FSIP2: variants seen among roughly 807,000 people sequenced by gnomAD.
The protein encoded by FSIP2 is fibrous sheath-interacting protein 2.
In FSIP2, 367 loss-of-function variants were observed where a neutral mutation model predicts 510.5. The observed-to-expected ratio is 0.72, with a 90% CI of 0.66 to 0.78. The LOEUF is 0.78. Among genes scored for constraint, FSIP2 ranks in the 30% least tolerant of loss-of-function variants. FSIP2 has a pLI of 0.00. For missense variants in FSIP2, 7,594 were observed against 7,901.7 expected, an observed-to-expected ratio of 0.96 and a Z score of 1.48; for synonymous variants, 2,601 against 2,732.2, an observed-to-expected ratio of 0.95 and a Z score of 1.50.
upstream of FSIP2, chr2:185,738,785 A>G: frequency 6.5e-7 from 1 of 1,535,800 alleles, no homozygotes; most frequent in Middle Eastern, 1.7e-4. Flanking sequence ...GGCGGGGCTG[A>G]GGTCGTTGGG....
At chr2:185,815,498 A>G (rs767466314) in intron 19 of FSIP2, 27 bp downstream of exon 19, 15 of 1,061,514 alleles carry the variant, frequency 1.4e-5, no homozygotes, top group Non-Finnish European at 1.8e-5. Flanking sequence ...CAGTAGAAAT[A>G]TAGAAATCTG....
rs1249322998 is a variant in FSIP2, at chr2:185,813,894, A to G, written c.20177A>G (p.Asn6726Ser). The change falls in exon 18 of 23, where the codon AAT (asparagine) becomes AGT (serine). Residue 6726 changes from asparagine to serine, a missense_variant. By Grantham distance (46) the Asn-to-Ser change is conservative. Transcript: ENST00000424728. ...TGTTGTCAGACCACAGCCAGTGCAA[A>G]TATTGAAAGTACTGAAGCAATCTCA... ...SKCCQTTASA[N>S]IESTEAISNQ... The G allele has an allele frequency of 6.2e-7, 1 of 1,613,650 alleles. No homozygotes were observed. The highest frequency in any genetic ancestry group is 8.5e-7 in the Non-Finnish European group (1 of 1,179,802).
At chr2:185,827,113 A>C (rs1158260175) in intron 20 of FSIP2, among the ~76,000 whole-genome samples, 3 of 151,862 alleles carry the variant, frequency 2.0e-5, no homozygotes, top group Non-Finnish European at 4.4e-5. Context: ...AAATGTCCTC[A>C]ATCATTTAAA....
rs578120824 is a variant in FSIP2 at position 185,803,106 on chromosome 2, A to C, written c.13800A>C (p.Ser4600=). 1 of 1,518,546 alleles carries C rather than the reference A, an allele frequency of 6.6e-7. No individual in the cohort carries two copies. The highest frequency in any genetic ancestry group is 1.4e-5 in the African/African-American group (1 of 72,196). The allele number at this position is 1,518,546 out of a possible 1,614,324, so 94.1% of individuals were successfully genotyped here. A position where few individuals can be genotyped will look rare whatever the true frequency, so the allele number is the denominator to read the frequency against. The change falls in exon 17 of 23, where the codon TCA becomes TCC. Residue 4600 remains serine, a synonymous_variant. Transcript: ENST00000424728. ...QPFVSGKSLS[S]SDTYFDDERR... ...TTGTGAGTGGAAAATCATTATCTTC[A>C]TCAGACACATATTTTGATGATGAGA...
chr2:185,810,537 CTTTT>C (rs11298474), intron 17 of FSIP2, among the ~76,000 whole-genome samples: 28 of 107,028 alleles, frequency 2.6e-4, no homozygotes, highest in African/African-American at 9.3e-4. Context: ...AGTTAAACCT[CTTTT>C]TTTTTTTTTT....
In FSIP2 at chr2:185,805,830, A is replaced by G. The variant is rs1171688466; in HGVS notation, c.16524A>G (p.Ser5508=). 6.2e-7 allele frequency: 1 copy of G among 1,606,560 alleles called. No homozygotes were observed. Among genetic ancestry groups the G allele is most frequent in the Non-Finnish European group, 8.5e-7 (1 of 1,177,288 alleles). The stretch of plus-strand genomic sequence containing the variant: ...AAAGCGGCATGATTAACCTAACATC[A>G]GGGTTGGCTACAGGTGTGACAAATA... ...IMKSGMINLT[S]GLATGVTNKK... The change falls in exon 17 of 23, where the codon TCA becomes TCG. Residue 5508 remains serine, a synonymous_variant. Coordinates refer to ENST00000424728, the MANE Select transcript of FSIP2 (RefSeq NM_173651.4).
chr2:185,808,458 A>G lies in FSIP2; in HGVS notation c.19152A>G (p.Gln6384=). 1 of 1,606,292 alleles carries G rather than the reference A, an allele frequency of 6.2e-7. No individual in the cohort carries two copies. The highest frequency in any genetic ancestry group is 8.5e-7 in the Non-Finnish European group (1 of 1,177,590). ...CTGAGTTAAATAAAATTGCATCTCA[A>G]CTGTCAAAATTGGTAACAGCTGAAA... The part of the protein sequence containing the change: ...SKTELNKIAS[Q]LSKLVTAEIS... The change falls in exon 17 of 23, where the codon CAA becomes CAG. Residue 6384 remains glutamine, a synonymous_variant. Transcript: ENST00000424728.
chr2:185,738,553 A>G (rs1691833648), upstream of FSIP2: 39 of 1,494,466 alleles, frequency 2.6e-5, no homozygotes, highest in Non-Finnish European at 3.5e-5. Flanking sequence ...GCCAGGGGAA[A>G]TTAACCAGTT....
intron 7 of FSIP2, among the ~76,000 whole-genome samples, chr2:185,749,194 G>A (rs1692095544): frequency 6.6e-6 from 1 of 151,154 alleles, no homozygotes; most frequent in Non-Finnish European, 1.5e-5. Context: ...GTCTTGCTGA[G>A]TTTTTTTAAT....
At position 185,794,195 on chromosome 2, in the gene FSIP2, C is replaced by T. The variant is rs754992521; in HGVS notation, c.7059C>T (p.Asp2353=). The change falls in exon 16 of 23, where the codon GAC becomes GAT. Residue 2353 remains aspartate, a synonymous_variant. Coordinates refer to ENST00000424728, the MANE Select transcript of FSIP2 (RefSeq NM_173651.4). ...AAGCTAGGCTTAAGACATATGCTGA[C>T]GTCATTGCCAGTGCCATTTTGAAGC... is the stretch of plus-strand genomic sequence containing the variant. ...LSQARLKTYA[D]VIASAILKLI... is the part of the protein sequence containing the mutation. The T allele has an allele frequency of 2.7e-5, 41 of 1,534,586 alleles. No individual in the cohort carries two copies. Among genetic ancestry groups the T allele is most frequent in the African/African-American group, 5.5e-5 (4 of 72,878 alleles).
At position 185,789,349 on chromosome 2, in the gene FSIP2, G is replaced by C; in HGVS notation, c.2213G>C (p.Cys738Ser). ...ACTGCTGAAGTTTTTGTTGAACAAT[G>C]TGAACGTGAAAAAGAAATCTTGCTT... ...SVTAEVFVEQ[C>S]EREKEILLSN... The change falls in exon 16 of 23, where the codon TGT (cysteine) becomes TCT (serine). Residue 738 changes from cysteine (C) to serine (S), a missense_variant. Physicochemically the swap from Cys to Ser is moderately radical, Grantham distance 112 (BLOSUM62 -1). Coordinates refer to ENST00000424728, the MANE Select transcript of FSIP2 (RefSeq NM_173651.4). 2 of 1,534,952 alleles carry C rather than the reference G, an allele frequency of 1.3e-6. No homozygotes were observed. Among genetic ancestry groups the C allele is most frequent in the South Asian group, 2.4e-5 (2 of 84,050 alleles).
In FSIP2 at chr2:185,784,684, T is replaced by G. The variant is rs1225297770; in HGVS notation, c.1470-1568T>G. 2.0e-5 allele frequency among the ~76,000 whole-genome samples: 3 copies of G among 152,222 alleles called. No homozygotes were observed. In the East Asian group the frequency reaches 5.8e-4, roughly 29 times the overall value. On this transcript the variant is annotated intron_variant, in intron 14 of 22. Transcript: ENST00000424728. ...AGGGTATTATTTTTCAAGGATATTA[T>G]GAAGCTGGAGAAAGTGGATGAAAAT... is the stretch of plus-strand genomic sequence containing the variant.
upstream of FSIP2, chr2:185,738,528 C>G: frequency 7.4e-7 from 1 of 1,349,216 alleles, no homozygotes; most frequent in Non-Finnish European, 1.0e-6. Context: ...TTGAACGGAA[C>G]AGGGCTCCTT....
At chr2:185,812,790 A>G (rs1693759626) in intron 17 of FSIP2, among the ~76,000 whole-genome samples, 1 of 152,082 alleles carries the variant, frequency 6.6e-6, no homozygotes, top group Non-Finnish European at 1.5e-5. Context: ...TTGTTATTGC[A>G]GATATTCCTT....
intron 21 of FSIP2, among the ~76,000 whole-genome samples, chr2:185,830,144 C>T (rs575988521): frequency 2.0e-4 from 31 of 151,662 alleles, no homozygotes; most frequent in South Asian, 4.2e-4. Flanking sequence ...AACAAACAAA[C>T]GAAAAAAATC....
rs537101903 is a variant in FSIP2 at position 185,792,144 on chromosome 2, G to C, written c.5008G>C (p.Glu1670Gln). The change falls in exon 16 of 23, where the codon GAA becomes CAA. Residue 1670 changes from glutamate to glutamine, a missense_variant. Transcript: ENST00000424728. ...CTCATCAGATTTGAAGACAAGTGTA[G>C]AAAACCCACCACCTGAGACTCAAAT... ...VTSSDLKTSVENPPPETQILK... is the reference protein window; with the variant it reads ...VTSSDLKTSVQNPPPETQILK... 3.9e-6 allele frequency: 6 copies of C among 1,533,448 alleles called. No individual in the cohort carries two copies. In the African/African-American group the frequency reaches 8.2e-5, roughly 21 times the overall value. 95.0% of individuals were successfully genotyped at this position (1,533,448 alleles called of 1,614,324 possible).
chr2:185,769,119 G>C (rs1305688782), intron 13 of FSIP2, among the ~76,000 whole-genome samples: 2 of 152,100 alleles, frequency 1.3e-5, no homozygotes, highest in African/African-American at 4.8e-5. Context: ...CTTTATGATA[G>C]AATGGTGTAT....
Position 185,795,621 on chromosome 2 carries a change from C to T in FSIP2, c.8485C>T (p.His2829Tyr), listed in dbSNP as rs771144997. The T allele has an allele frequency of 3.9e-6, 6 of 1,534,894 alleles. No individual in the cohort carries two copies. The highest frequency in any genetic ancestry group is 3.6e-5 in the South Asian group (3 of 84,002). Residue 2829 changes from histidine (H) to tyrosine (Y), a missense_variant, in exon 16 of 23, where the codon CAC (histidine) becomes TAC (tyrosine). His to Tyr is a moderately conservative substitution (Grantham distance 83). Transcript: ENST00000424728. ...GGAGAATGTTTCTTCACAGCTAGAG[C>T]ACATTTTTCCTAGAGAAGGTATATT... ...YLENVSSQLEHIFPREGIFKK... is the reference protein window; with the variant it reads ...YLENVSSQLEYIFPREGIFKK...
chr2:185,808,552 G>T lies in FSIP2; in HGVS notation c.19246G>T (p.Glu6416Ter). 1 of 1,612,528 alleles carries T rather than the reference G, an allele frequency of 6.2e-7. No homozygotes were observed. Among genetic ancestry groups the T allele is most frequent in the South Asian group, 1.1e-5 (1 of 90,934 alleles). Residue 6416 changes from glutamate to a stop codon, truncating the protein, a stop_gained, in exon 17 of 23, where the codon GAA (glutamate) becomes TAA (stop). Transcript: ENST00000424728. LOFTEE classifies it high-confidence loss of function. ...EEHCLNPENT[E>*]RIYQVVDSVY... The stretch of plus-strand genomic sequence containing the variant: ...GCACTGTTTAAATCCAGAAAATACA[G>T]AAAGGATTTATCAGGTTGTCGATTC...
Sources: allele counts gnomAD v4.1 joint callset (sites outside exome capture counted in the v4.1 genomes callset), GRCh38; gene constraint gnomAD v4.1.1; transcripts MANE v1.5; gene names NCBI Gene and HGNC (gene_info 2026-07-23, HGNC 2026-07-21).